The following AADACL2 variants were observed in gnomAD, a reference collection of about 807,000 sequenced individuals.
The protein encoded by AADACL2 is arylacetamide deacetylase-like 2.
AADACL2 carries 23 observed loss-of-function variants against 22.3 expected under a neutral mutation model. The ratio of observed to expected loss-of-function variants is 1.03; its 90% CI spans 0.74 to 1.46. The LOEUF (loss-of-function observed/expected upper bound fraction) is 1.46. Among genes scored for constraint, AADACL2 ranks in the 40% most tolerant of loss-of-function variants. AADACL2 has a pLI of 0.00. For synonymous variants in AADACL2, 177 were observed against 166.2 expected (o/e 1.07, Z -0.50); for missense variants, 472 against 482.9 (o/e 0.98, Z 0.21).
chr3:151,736,165 G>GA (rs1713079248), intron 1 of AADACL2, among the ~76,000 whole-genome samples: 1 of 151,642 alleles, frequency 6.6e-6, no homozygotes, highest in African/African-American at 2.4e-5. Flanking sequence ...TTATTTTTCT[G>GA]AAAAAAATTT....
chr3:151,744,074 G>A lies in AADACL2; in HGVS notation c.362-19G>A. On this transcript the variant is annotated intron_variant, in intron 2 of 4. Coordinates refer to ENST00000356517, the MANE Select transcript of AADACL2 (RefSeq NM_207365.4). The stretch of plus-strand genomic sequence containing the variant: ...TTTTAATTACAGGAAATACTTTGAT[G>A]TTTATTTCTTCATTTCAGAACAGAG... The A allele has an allele frequency of 6.2e-7, 1 of 1,610,504 alleles. No homozygotes were observed. Among genetic ancestry groups the A allele is most frequent in the Non-Finnish European group, 8.5e-7 (1 of 1,177,246 alleles).
At chr3:151,750,438 T>C (rs1165445524) in intron 4 of AADACL2, among the ~76,000 whole-genome samples, 1 of 152,226 alleles carries the variant, frequency 6.6e-6, no homozygotes, top group Admixed American at 6.5e-5. Flanking sequence ...TACGCATCTA[T>C]GTTCCTAACG....
chr3:151,744,266 A>T, intron 3 of AADACL2, 104 bp downstream of exon 3: 1 of 1,073,900 alleles, frequency 9.3e-7, no homozygotes, highest in East Asian at 2.6e-5. Context: ...TTTTTAAATT[A>T]ATATATTTTA....
chr3:151,744,227 C>T (rs2107984022), intron 3 of AADACL2, 65 bp downstream of exon 3: 2 of 1,463,534 alleles, frequency 1.4e-6, no homozygotes, highest in Non-Finnish European at 1.9e-6. Flanking sequence ...TTGATTTCCA[C>T]ATCAAGTCAG....
intron 4 of AADACL2, 51 bp from the exon 5 acceptor site, chr3:151,756,941 C>G (rs201819082): frequency 1.1e-4 from 165 of 1,490,670 alleles, no homozygotes; most frequent in Non-Finnish European, 4.4e-5. Context: ...TTTTTTTTCT[C>G]CTGGTATTTT....
At position 151,759,263 on chromosome 3, in the gene AADACL2, G is replaced by T. The variant is rs1246196851; in HGVS notation, c.*1669G>T. On this transcript the variant is annotated 3_prime_UTR_variant, in exon 5 of 5. Coordinates refer to ENST00000356517, the MANE Select transcript of AADACL2 (RefSeq NM_207365.4). ...TTTGTTTTTCATGATACTGAATCTGGTTCCAGTTCTTTTTCATCATTTAAT... is the reference window on the plus strand; with the variant it reads ...TTTGTTTTTCATGATACTGAATCTGTTTCCAGTTCTTTTTCATCATTTAAT... The T allele has an allele frequency of 6.6e-6, 1 of 151,932 alleles. No individual in the cohort carries two copies. Among genetic ancestry groups the T allele is most frequent in the Non-Finnish European group, 1.5e-5 (1 of 67,960 alleles). The allele number at this position is 151,932 out of a possible 1,614,324, so 9.4% of individuals were successfully genotyped here.
At position 151,758,286 on chromosome 3, in the gene AADACL2, C is replaced by T. The variant is rs149974239; in HGVS notation, c.*692C>T. Reference sequence around the variant, plus strand: ...GCCAGCATCTTCCAATCTCTTTCTGCTTCATCTTCACATTGCCTTCTTCTC... The same window carrying T: ...GCCAGCATCTTCCAATCTCTTTCTGTTTCATCTTCACATTGCCTTCTTCTC... On this transcript the variant is annotated 3_prime_UTR_variant, in exon 5 of 5. Coordinates refer to ENST00000356517, the MANE Select transcript of AADACL2 (RefSeq NM_207365.4). 7.2e-5 allele frequency: 11 copies of T among 152,276 alleles called. No individual in the cohort carries two copies. The highest frequency in any genetic ancestry group is 2.4e-4 in the African/African-American group (10 of 41,528). The allele number at this position is 152,276 out of a possible 1,614,324, so 9.4% of individuals were successfully genotyped here.
chr3:151,751,338 A>T (rs1713660871), intron 4 of AADACL2: 1 of 152,176 alleles, frequency 6.6e-6, no homozygotes, highest in African/African-American at 2.4e-5. Context: ...ATTAAGCAAC[A>T]TCTTACCATA....
chr3:151,740,396 T>C (rs1387580289), intron 1 of AADACL2, among the ~76,000 whole-genome samples: 1 of 152,348 alleles, frequency 6.6e-6, no homozygotes, highest in African/African-American at 2.4e-5. Context: ...GCCTTCTGCA[T>C]TGCCCTCACT....
chr3:151,749,043 T>C (rs1017139046), intron 4 of AADACL2, among the ~76,000 whole-genome samples: 2 of 152,194 alleles, frequency 1.3e-5, no homozygotes, highest in East Asian at 3.8e-4. Flanking sequence ...TGTGGTTCCA[T>C]ATTAATTTTC....
rs199875931 is a variant in AADACL2 at position 151,745,635 on chromosome 3, G to A, written c.558G>A (p.Ala186=). 1.5e-4 allele frequency: 238 copies of A among 1,612,790 alleles called. 5 individuals are homozygous for A. In the East Asian group the frequency reaches 2.9e-3, roughly 19 times the overall value. Residue 186 remains alanine, a synonymous_variant, in exon 4 of 5, where the codon GCG becomes GCA. Transcript: ENST00000356517. ...TGGATCCCACCCGAATCTGCATTGC[G>A]GGAGACAGTTCTGGGGGCAATTTAG... ...YGVDPTRICI[A]GDSSGGNLAT...
chr3:151,752,034 T>C (rs757159732), intron 4 of AADACL2, among the ~76,000 whole-genome samples: 19 of 152,228 alleles, frequency 1.2e-4, no homozygotes, highest in South Asian at 2.1e-4. Flanking sequence ...CTTTATCCTT[T>C]CCTATTTACT....
intron 4 of AADACL2, among the ~76,000 whole-genome samples, chr3:151,746,194 A>T (rs890550264): frequency 5.3e-5 from 8 of 152,024 alleles, no homozygotes; most frequent in Admixed American, 4.6e-4. Flanking sequence ...GGTATTTTTT[A>T]AAATTTTTAT....
rs971704622 is a variant in AADACL2, at chr3:151,746,632, C to T, written c.603+952C>T. On this transcript the variant is annotated intron_variant, in intron 4 of 4. Transcript: ENST00000356517. ...GGAACTTATTTCTACTCCTAGTTTGCTGATAGTTTTTGCATAAATGGGTCT... is the reference window on the plus strand; with the variant it reads ...GGAACTTATTTCTACTCCTAGTTTGTTGATAGTTTTTGCATAAATGGGTCT... 6.6e-5 allele frequency among the ~76,000 whole-genome samples: 10 copies of T among 152,018 alleles called. No individual in the cohort carries two copies. The East Asian group carries it at 1.7e-3, about 26-fold the overall frequency.
chr3:151,734,674 T>A (rs1204648872), intron 1 of AADACL2, among the ~76,000 whole-genome samples: 1 of 152,178 alleles, frequency 6.6e-6, no homozygotes, highest in Non-Finnish European at 1.5e-5. Flanking sequence ...GCAGAATGAA[T>A]TATAAATTCA....
chr3:151,743,561 T>A (rs1262740323), intron 2 of AADACL2, among the ~76,000 whole-genome samples: 3 of 152,190 alleles, frequency 2.0e-5, no homozygotes, highest in Non-Finnish European at 2.9e-5. Flanking sequence ...TTAGACTCTG[T>A]CTTAATGCCA....
Position 151,757,403 on chromosome 3 carries a change from C to T in AADACL2, c.1015C>T (p.Gln339Ter). 1 of 1,613,660 alleles carries T rather than the reference C, an allele frequency of 6.2e-7. No homozygotes were observed. The highest frequency in any genetic ancestry group is 1.6e-4 in the Middle Eastern group (1 of 6,062). The change falls in exon 5 of 5, where the codon CAA (glutamine) becomes TAA (stop). Residue 339 changes from glutamine to a stop codon, truncating the protein, a stop_gained. Transcript: ENST00000356517. LOFTEE classifies it low-confidence loss of function (END_TRUNC). ...NLPLTYILTC[Q>*]HDLLRDDGLM... ...GCCACTAACCTATATTCTTACTTGT[C>T]AACATGATCTCTTAAGAGATGATGG...
At chr3:151,737,806 G>C (rs540526064) in intron 1 of AADACL2, among the ~76,000 whole-genome samples, 51 of 151,876 alleles carry the variant, frequency 3.4e-4, no homozygotes, top group African/African-American at 1.1e-3. Flanking sequence ...CCATTTGCTT[G>C]GTGAATCTTC....
intron 4 of AADACL2, among the ~76,000 whole-genome samples, chr3:151,753,221 A>G (rs894619708): frequency 3.3e-5 from 5 of 152,178 alleles, no homozygotes; most frequent in Non-Finnish European, 5.9e-5. Flanking sequence ...AGAAGCAGAA[A>G]TATCTGTCTT....
Sources: allele counts gnomAD v4.1 joint callset (sites outside exome capture counted in the v4.1 genomes callset), GRCh38; gene constraint gnomAD v4.1.1; transcripts MANE v1.5; gene names NCBI Gene and HGNC (gene_info 2026-07-23, HGNC 2026-07-21).